The following SLC13A1 variants were observed in gnomAD, a reference collection of about 807,000 sequenced individuals.
SLC13A1 encodes Na(+)/sulfate cotransporter.
Under a neutral mutation model 70.0 loss-of-function variants are expected in SLC13A1, and 65 were observed. The observed-to-expected ratio is 0.93, with a 90% confidence interval of 0.76 to 1.14. The LOEUF is 1.14. Among genes scored for constraint, SLC13A1 ranks in the 50% most tolerant of loss-of-function variants. The pLI, the probability that SLC13A1 is intolerant of heterozygous loss-of-function variation, is 0.00. For synonymous variants in SLC13A1, 275 were observed against 250.5 expected, an observed-to-expected ratio of 1.10 and a Z score of -0.92; for missense variants, 726 against 717.8, an observed-to-expected ratio of 1.01 and a Z score of -0.13.
At chr7:123,179,639 A>G (rs1795571311) in intron 2 of SLC13A1, among the ~76,000 whole-genome samples, 1 of 152,084 alleles carries the variant, frequency 6.6e-6, no homozygotes, top group Admixed American at 6.6e-5. Context: ...AGCCCTTCCC[A>G]GGCACCCTTC....
chr7:123,192,784 TTCTTAAGAC>T (rs1796041256), intron 1 of SLC13A1, among the ~76,000 whole-genome samples: 1 of 152,162 alleles, frequency 6.6e-6, no homozygotes, highest in Non-Finnish European at 1.5e-5. Flanking sequence ...CAGCAGTGAT[TTCTTAAGAC>T]TCAATTTATA....
At chr7:123,179,507 G>A (rs1795566397) in intron 2 of SLC13A1, among the ~76,000 whole-genome samples, 1 of 152,066 alleles carries the variant, frequency 6.6e-6, no homozygotes, top group Admixed American at 6.6e-5. Context: ...CTGTTGGGCA[G>A]GTGTCTGCAG....
intron 7 of SLC13A1, among the ~76,000 whole-genome samples, chr7:123,146,874 A>G (rs1023581296): frequency 5.9e-5 from 9 of 152,152 alleles, no homozygotes; most frequent in African/African-American, 2.2e-4. Flanking sequence ...TTGTGGTATT[A>G]TTTTCAATGA....
chr7:123,170,964 T>C (rs1348537107), intron 3 of SLC13A1, among the ~76,000 whole-genome samples: 1 of 152,070 alleles, frequency 6.6e-6, no homozygotes, highest in Non-Finnish European at 1.5e-5. Flanking sequence ...TCATTTTTTT[T>C]TTGTATTTAG....
chr7:123,119,307 T>C, intron 12 of SLC13A1, 65 bp from the exon 13 acceptor site: 1 of 1,094,532 alleles, frequency 9.1e-7, no homozygotes, highest in Admixed American at 2.5e-5. Context: ...CACAATAAAA[T>C]CCATAAAAAA....
At chr7:123,148,050 A>C (rs1794424392) in intron 6 of SLC13A1, among the ~76,000 whole-genome samples, 1 of 152,150 alleles carries the variant, frequency 6.6e-6, no homozygotes, top group Non-Finnish European at 1.5e-5. Flanking sequence ...CATATACCTC[A>C]GCATTGAGAG....
rs1387654976 is a variant in SLC13A1 at position 123,180,993 on chromosome 7, C to A, written c.208G>T (p.Gly70Trp). 1 of 1,611,842 alleles carries A rather than the reference C, an allele frequency of 6.2e-7. No homozygotes were observed. The highest frequency in any genetic ancestry group is 8.5e-7 in the Non-Finnish European group (1 of 1,178,692). Reference protein sequence around the residue: ...LLPSLMLPMFGIMPSKKVASA... With the variant: ...LLPSLMLPMFWIMPSKKVASA... ...CTTACCTTCTTAGAAGGCATGATCCCAAACATGGGTAACATTAAACTAGGT... is the reference window on the plus strand; with the variant it reads ...CTTACCTTCTTAGAAGGCATGATCCAAAACATGGGTAACATTAAACTAGGT... Residue 70 changes from glycine to tryptophan, a missense_variant, in exon 2 of 15, where the codon GGG becomes TGG. By Grantham distance (184) the Gly-to-Trp change is radical (BLOSUM62 -2). Transcript: ENST00000194130.
chr7:123,141,832 G>A (rs928928603), intron 7 of SLC13A1, among the ~76,000 whole-genome samples: 3 of 152,026 alleles, frequency 2.0e-5, no homozygotes, highest in Admixed American at 1.3e-4. Context: ...TTGGGTAAGT[G>A]TGTTTCTTGT....
intron 7 of SLC13A1, among the ~76,000 whole-genome samples, chr7:123,144,042 G>T (rs1794257461): frequency 6.6e-6 from 1 of 152,112 alleles, no homozygotes; most frequent in South Asian, 2.1e-4. Context: ...ATAAAACCTA[G>T]GAAATGGAGA....
chr7:123,158,985 A>C (rs1013605625), intron 6 of SLC13A1, among the ~76,000 whole-genome samples: 1 of 152,076 alleles, frequency 6.6e-6, no homozygotes, highest in African/African-American at 2.4e-5. Flanking sequence ...AGCAAAATAC[A>C]ATGGTGAACA....
intron 6 of SLC13A1, 53 bp from the exon 7 acceptor site, chr7:123,147,363 G>A (rs1311108859): frequency 6.3e-7 from 1 of 1,586,612 alleles, no homozygotes; most frequent in Non-Finnish European, 8.6e-7. Flanking sequence ...ATTTGTTATG[G>A]ACTGAATATT....
chr7:123,149,471 T>G (rs752153957), intron 6 of SLC13A1: 26 of 456,488 alleles, frequency 5.7e-5, no homozygotes, highest in Middle Eastern at 3.2e-4. Flanking sequence ...TCTTCCCTTC[T>G]TTCGACTGTG....
At chr7:123,118,002 T>C (rs1563314960) in intron 13 of SLC13A1, among the ~76,000 whole-genome samples, 1 of 151,412 alleles carries the variant, frequency 6.6e-6, no homozygotes, top group Non-Finnish European at 1.5e-5. Context: ...TATTTATATA[T>C]ATATTGAATT....
At chr7:123,168,108 C>T (rs1585367079) in intron 6 of SLC13A1, among the ~76,000 whole-genome samples, 2 of 152,204 alleles carry the variant, frequency 1.3e-5, no homozygotes, top group East Asian at 3.9e-4. Context: ...CTTTAAACTA[C>T]CTTGGCTAAC....
intron 6 of SLC13A1, among the ~76,000 whole-genome samples, chr7:123,149,159 C>A (rs996113942): frequency 1.2e-4 from 18 of 152,016 alleles, no homozygotes; most frequent in Non-Finnish European, 1.5e-5. Context: ...TGTTGAAATC[C>A]ACTTATGCTG....
At chr7:123,183,046 TCC>T (rs1452567828) in intron 1 of SLC13A1, among the ~76,000 whole-genome samples, 2 of 152,094 alleles carry the variant, frequency 1.3e-5, no homozygotes, top group African/African-American at 2.4e-5. Flanking sequence ...TCATAATGCA[TCC>T]CTTTCTCTGA....
chr7:123,185,280 G>C (rs1322478456), intron 1 of SLC13A1, among the ~76,000 whole-genome samples: 2 of 151,964 alleles, frequency 1.3e-5, no homozygotes, highest in Non-Finnish European at 2.9e-5. Flanking sequence ...AGTTTTATTA[G>C]TATAATGTAA....
intron 6 of SLC13A1, among the ~76,000 whole-genome samples, chr7:123,153,708 G>T (rs1227481367): frequency 6.6e-6 from 1 of 152,042 alleles, no homozygotes; most frequent in Admixed American, 6.6e-5. Flanking sequence ...TGCCTAGATA[G>T]TAGTTTCAGC....
At chr7:123,136,037 A>C (rs374495555) in intron 7 of SLC13A1, among the ~76,000 whole-genome samples, 48 of 152,354 alleles carry the variant, frequency 3.2e-4, no homozygotes, top group African/African-American at 1.1e-3. Flanking sequence ...CATTAACATT[A>C]GACTTGGATT....
Sources: allele counts gnomAD v4.1 joint callset (sites outside exome capture counted in the v4.1 genomes callset), GRCh38; gene constraint gnomAD v4.1.1; transcripts MANE v1.5; gene names NCBI Gene and HGNC (gene_info 2026-07-23, HGNC 2026-07-21).